MRC1: variants seen among roughly 807,000 people sequenced by gnomAD.
MRC1 encodes the protein mannose receptor C-type 1.
In MRC1, 62 loss-of-function variants were observed where a neutral mutation model predicts 102.9. The observed-to-expected ratio is 0.60, with a 90% CI of 0.49 to 0.74. The LOEUF (loss-of-function observed/expected upper bound fraction) is 0.74. MRC1 is among the 30% of genes least tolerant of loss of function. The probability of loss-of-function intolerance (pLI) is 0.00; values close to 1 mark genes in which losing one functional copy is unlikely to be tolerated. For missense variants in MRC1, 1,237 were observed against 862.8 expected (o/e 1.43, Z -5.43); for synonymous variants, 457 against 298.4 (o/e 1.53, Z -5.48).
At chr10:17,906,441 T>C (rs1272555041) in intron 26 of MRC1, among the ~76,000 whole-genome samples, 1 of 152,112 alleles carries the variant, frequency 6.6e-6, no homozygotes, top group Non-Finnish European at 1.5e-5. Context: ...TTATTTTCTA[T>C]CCTTTTTACT....
chr10:17,845,438 A>G lies in MRC1; in HGVS notation c.1063+3A>G. On this transcript the variant is annotated splice_donor_region_variant and intron_variant, in intron 6 of 29. Coordinates refer to ENST00000569591, the MANE Select transcript of MRC1 (RefSeq NM_002438.4). ...AAATTCTTTTGTTATTCCCTCAGGT[A>G]AGTGATCTATGGGATCTGAAGTGCC... is the stretch of plus-strand genomic sequence containing the variant. 1 of 780,884 alleles carries G rather than the reference A, an allele frequency of 1.3e-6. No homozygotes were observed. The allele number at this position is 780,884 out of a possible 1,614,324, so 48.4% of individuals were successfully genotyped here. A position where few individuals can be genotyped will look rare whatever the true frequency, so the allele number is the denominator to read the frequency against.
intron 10 of MRC1, among the ~76,000 whole-genome samples, chr10:17,862,660 T>G (rs1833201325): frequency 6.6e-6 from 1 of 152,174 alleles, no homozygotes; most frequent in African/African-American, 2.4e-5. Flanking sequence ...CTTTTAATTT[T>G]TTTGGTTTGT....
At position 17,814,942 on chromosome 10, in the gene MRC1, A is replaced by G. The variant is rs974518157; in HGVS notation, c.61+5416A>G. Among the ~76,000 whole-genome samples the G allele has an allele frequency of 2.2e-3, 342 of 152,174 alleles. 1 individual carries two copies. The highest frequency in any genetic ancestry group is 7.6e-3 in the African/African-American group (314 of 41,526). On this transcript the variant is annotated intron_variant, in intron 1 of 29. Coordinates refer to ENST00000569591, the MANE Select transcript of MRC1 (RefSeq NM_002438.4). ...TGCCCTCCCAAAGTGCCGGGATTAC[A>G]GGCGGGAGCCACCGTGCCTGGCCGG... is the stretch of plus-strand genomic sequence containing the variant.
chr10:17,893,173 C>T (rs1554843261), intron 22 of MRC1, among the ~76,000 whole-genome samples: 1 of 140,966 alleles, frequency 7.1e-6, no homozygotes, highest in Non-Finnish European at 1.6e-5. Context: ...TCCTTCCTTC[C>T]TTCCCAAGGT....
At chr10:17,833,520 C>CAAA (rs34179956) in intron 3 of MRC1, among the ~76,000 whole-genome samples, 155 bp from the exon 4 acceptor site, 5,066 of 106,412 alleles carry the variant, frequency 0.048, 174 homozygotes, top group Non-Finnish European at 0.059. Context: ...GACTCTGTCT[C>CAAA]AAAAAAAAAA....
intron 14 of MRC1, among the ~76,000 whole-genome samples, chr10:17,871,738 A>G (rs1351587576): frequency 2.0e-5 from 3 of 152,196 alleles, no homozygotes; most frequent in African/African-American, 7.2e-5. Flanking sequence ...TCTATTTAAT[A>G]AGAGTAAAGA....
chr10:17,813,702 T>TATA (rs1554837619), intron 1 of MRC1, among the ~76,000 whole-genome samples: 210 of 92,768 alleles, frequency 2.3e-3, no homozygotes, highest in African/African-American at 7.5e-3. Flanking sequence ...ATATATATAT[T>TATA]TTTTTTTTTT....
Position 17,845,442 on chromosome 10 carries a change from G to C in MRC1, c.1063+7G>C, listed in dbSNP as rs1838812021. The C allele has an allele frequency of 9.0e-6, 7 of 780,754 alleles. No individual in the cohort carries two copies. In the South Asian group the frequency reaches 9.4e-5, roughly 10 times the overall value. The allele number at this position is 780,754 out of a possible 1,614,324, so 48.4% of individuals were successfully genotyped here. On this transcript the variant is annotated splice_region_variant and intron_variant, in intron 6 of 29. Transcript: ENST00000569591. The stretch of plus-strand genomic sequence containing the variant: ...TCTTTTGTTATTCCCTCAGGTAAGT[G>C]ATCTATGGGATCTGAAGTGCCTCAA...
intron 1 of MRC1, 81 bp from the exon 2 acceptor site, chr10:17,822,993 T>G (rs1838418264): frequency 1.3e-6 from 1 of 751,842 alleles, no homozygotes; most frequent in African/African-American, 1.7e-5. Flanking sequence ...ACTTTTGACC[T>G]AAAAGATCGT....
intron 4 of MRC1, among the ~76,000 whole-genome samples, chr10:17,839,859 G>GACCA (rs2130624044): frequency 6.6e-6 from 1 of 151,380 alleles, no homozygotes; most frequent in South Asian, 2.1e-4. Context: ...AGGAGTTTGA[G>GACCA]ACCAGCCTGG....
intron 26 of MRC1, among the ~76,000 whole-genome samples, 160 bp downstream of exon 26, chr10:17,902,282 C>T (rs1833839035): frequency 6.6e-6 from 1 of 152,192 alleles, no homozygotes; most frequent in South Asian, 2.1e-4. Context: ...CAAATGTAAT[C>T]TCTAAGTTTG....
intron 26 of MRC1, among the ~76,000 whole-genome samples, chr10:17,903,543 A>G (rs1229289965): frequency 6.6e-6 from 1 of 151,176 alleles, no homozygotes; most frequent in Non-Finnish European, 1.5e-5. Context: ...CAACAGGCAC[A>G]TGCCACCTTG....
intron 28 of MRC1, among the ~76,000 whole-genome samples, chr10:17,908,334 G>C (rs1346147720): frequency 4.6e-5 from 7 of 152,196 alleles, no homozygotes; most frequent in African/African-American, 1.7e-4. Context: ...GAGTGCAATG[G>C]TGCGATCTCG....
chr10:17,901,826 T>C, intron 25 of MRC1, 147 bp from the exon 26 acceptor site: 1 of 723,364 alleles, frequency 1.4e-6, no homozygotes, highest in East Asian at 2.5e-5. Context: ...GGAAACCCAA[T>C]AATAAATATG....
At chr10:17,861,214 G>GA (rs1833179817) in intron 9 of MRC1, among the ~76,000 whole-genome samples, 173 bp from the exon 10 acceptor site, 1 of 152,188 alleles carries the variant, frequency 6.6e-6, no homozygotes, top group African/African-American at 2.4e-5. Flanking sequence ...TCTGGAGACT[G>GA]AGGCAGGAGA....
chr10:17,858,341 C>T (rs894332911), intron 9 of MRC1, among the ~76,000 whole-genome samples: 23 of 152,102 alleles, frequency 1.5e-4, no homozygotes, highest in Non-Finnish European at 2.1e-4. Context: ...TGGTGGTTCT[C>T]TCTGATTGAT....
intron 2 of MRC1, among the ~76,000 whole-genome samples, chr10:17,827,180 A>G (rs1838488989): frequency 6.6e-6 from 1 of 151,926 alleles, no homozygotes; most frequent in East Asian, 1.9e-4. Flanking sequence ...TTCATTTTCC[A>G]CTGTCATTGG....
rs1833501512 is a variant in MRC1 at position 17,880,686 on chromosome 10, G to T, written c.2865+16G>T. ...CAGCAACAAGGTACTAGGAAAATTA[G>T]TTGCAATCTTGGCACTGATCAGTAT... On this transcript the variant is annotated intron_variant, in intron 20 of 29. Transcript: ENST00000569591. 6.4e-6 allele frequency: 5 copies of T among 780,838 alleles called. No individual in the cohort carries two copies. In the East Asian group the frequency reaches 9.7e-5, roughly 15 times the overall value. The allele number at this position is 780,838 out of a possible 1,614,324, so 48.4% of individuals were successfully genotyped here.
At chr10:17,870,601 T>C (rs935836961) in intron 13 of MRC1, among the ~76,000 whole-genome samples, 6 of 152,222 alleles carry the variant, frequency 3.9e-5, no homozygotes, top group African/African-American at 1.4e-4. Flanking sequence ...AGATGCTTAA[T>C]ACGTATTTGT....
Sources: gnomAD v4.1 joint callset for allele counts (sites outside exome capture counted in the v4.1 genomes callset) on GRCh38, gnomAD v4.1.1 for gene constraint, MANE v1.5 for transcripts, NCBI Gene and HGNC (gene_info 2026-07-23, HGNC 2026-07-21) for gene names.